TRPC1: variants seen among roughly 807,000 people sequenced by gnomAD.
TRPC1 encodes transient receptor potential cation channel subfamily C member 1.
In TRPC1, 42 loss-of-function variants were observed where a neutral mutation model predicts 88.2. The observed-to-expected ratio is 0.48, with a 90% CI of 0.37 to 0.62. The LOEUF (loss-of-function observed/expected upper bound fraction) is 0.62. TRPC1 is among the 20% of genes least tolerant of loss of function. The pLI is 0.00. For synonymous variants in TRPC1, 288 were observed against 331.8 expected (o/e 0.87, Z 1.43); for missense variants, 699 against 957.3 (o/e 0.73, Z 3.56).
chr3:142,724,542 C>T lies in TRPC1; in HGVS notation c.-18C>T, dbSNP rs763655084. The T allele has an allele frequency of 9.7e-6, 15 of 1,549,466 alleles. No individual in the cohort carries two copies. The Admixed American group carries it at 2.5e-4, about 26-fold the overall frequency. ...GGCCCCGCCCCCGTCTCCTGGCCTG[C>T]CCCCTTCATGGGCCGCGATGATGGC... On this transcript the variant is annotated 5_prime_UTR_variant, in exon 1 of 13. Transcript: ENST00000476941. The surrounding 1 kb of genome is among the most constrained non-coding windows in gnomAD (Gnocchi z 5.6).
chr3:142,729,293 A>T (rs1933803749), intron 1 of TRPC1, among the ~76,000 whole-genome samples: 1 of 152,206 alleles, frequency 6.6e-6, no homozygotes, highest in Non-Finnish European at 1.5e-5. Flanking sequence ...CAATCAAACT[A>T]TACTTATCAA....
At chr3:142,726,154 G>A (rs1933662390) in intron 1 of TRPC1, among the ~76,000 whole-genome samples, 1 of 152,162 alleles carries the variant, frequency 6.6e-6, no homozygotes, top group African/African-American at 2.4e-5. Flanking sequence ...AAGGGGAGAA[G>A]ATTGTGTTGT....
intron 1 of TRPC1, among the ~76,000 whole-genome samples, chr3:142,728,162 C>T (rs1246194690): frequency 6.6e-6 from 1 of 151,896 alleles, no homozygotes; most frequent in African/African-American, 2.4e-5. Flanking sequence ...ATCTGATGTG[C>T]GGTAAATGAG....
At chr3:142,779,339 A>G (rs527421997) in intron 5 of TRPC1, among the ~76,000 whole-genome samples, 2 of 152,320 alleles carry the variant, frequency 1.3e-5, no homozygotes, top group South Asian at 4.1e-4. Flanking sequence ...CTATATTTCC[A>G]TCTAAACTAT....
rs556839551 is a variant in TRPC1, at chr3:142,803,673, G to C, written c.1758-304G>C. Among the ~76,000 whole-genome samples, 12 of 152,284 alleles carry C rather than the reference G, an allele frequency of 7.9e-5. No individual in the cohort carries two copies. In the East Asian group the frequency reaches 2.1e-3, roughly 27 times the overall value. ...TGTTGAGATTGAGAGTCATTTGAAGGTTTTGAGCAGAGGTGTGACAAAATC... is the reference window on the plus strand; with the variant it reads ...TGTTGAGATTGAGAGTCATTTGAAGCTTTTGAGCAGAGGTGTGACAAAATC... On this transcript the variant is annotated intron_variant, in intron 10 of 12. Coordinates refer to ENST00000476941, the MANE Select transcript of TRPC1 (RefSeq NM_001251845.2).
At chr3:142,750,195 G>T (rs1456481625) in intron 4 of TRPC1, among the ~76,000 whole-genome samples, 1 of 151,650 alleles carries the variant, frequency 6.6e-6, no homozygotes, top group African/African-American at 2.4e-5. Flanking sequence ...CTAATATCCA[G>T]AATCTACAAG....
intron 4 of TRPC1, among the ~76,000 whole-genome samples, chr3:142,774,670 C>T (rs1935696329): frequency 1.3e-5 from 2 of 151,938 alleles, no homozygotes; most frequent in Admixed American, 6.6e-5. Flanking sequence ...TTTCCAGTGG[C>T]CTGAAATGGT....
chr3:142,727,846 T>A (rs1370364146), intron 1 of TRPC1, among the ~76,000 whole-genome samples: 1 of 152,154 alleles, frequency 6.6e-6, no homozygotes, highest in African/African-American at 2.4e-5. Flanking sequence ...CCTCTCTCAT[T>A]GAGAATTAGT....
intron 4 of TRPC1, among the ~76,000 whole-genome samples, chr3:142,751,281 C>T (rs765283461): frequency 6.6e-5 from 10 of 152,132 alleles, no homozygotes; most frequent in Non-Finnish European, 1.5e-4. Flanking sequence ...TGGTAAATGC[C>T]CTGTACAGGT....
chr3:142,785,804 C>G (rs1423981553), intron 7 of TRPC1, among the ~76,000 whole-genome samples: 1 of 152,006 alleles, frequency 6.6e-6, no homozygotes, highest in African/African-American at 2.4e-5. Flanking sequence ...CGGCCTAGAA[C>G]CTATGAACTT....
At chr3:142,750,976 TATAGA>T (rs1168262849) in intron 4 of TRPC1, among the ~76,000 whole-genome samples, 1 of 152,156 alleles carries the variant, frequency 6.6e-6, no homozygotes, top group Non-Finnish European at 1.5e-5. Context: ...GTAAAAAGCT[TATAGA>T]ATAAAGATAT....
chr3:142,749,209 A>G (rs1934664442), intron 4 of TRPC1, among the ~76,000 whole-genome samples: 1 of 152,218 alleles, frequency 6.6e-6, no homozygotes, highest in Admixed American at 6.5e-5. Flanking sequence ...AGTGCAACGC[A>G]TTACTCACGT....
Position 142,791,149 on chromosome 3 carries a change from T to A in TRPC1, c.1428T>A (p.Ala476=). The A allele has an allele frequency of 6.2e-7, 1 of 1,603,682 alleles. No homozygotes were observed. The highest frequency in any genetic ancestry group is 8.5e-7 in the Non-Finnish European group (1 of 1,176,460). The change falls in exon 8 of 13, where the codon GCT becomes GCA. Residue 476 remains alanine, a synonymous_variant. Transcript: ENST00000476941. ...YLATFALKVV[A]HNKFHDFADR... is the part of the protein sequence containing the mutation. ...CAACCTTTGCCCTCAAAGTGGTTGCTCACAACAAGGTGACTATTTACTATG... is the reference window on the plus strand; with the variant it reads ...CAACCTTTGCCCTCAAAGTGGTTGCACACAACAAGGTGACTATTTACTATG...
At chr3:142,794,674 C>G (rs1423983610) in intron 9 of TRPC1, among the ~76,000 whole-genome samples, 1 of 152,060 alleles carries the variant, frequency 6.6e-6, no homozygotes, top group Non-Finnish European at 1.5e-5. Context: ...AGTTGTCTCC[C>G]TTGAGTATTC....
At chr3:142,762,411 G>A (rs918894838) in intron 4 of TRPC1, among the ~76,000 whole-genome samples, 2 of 147,024 alleles carry the variant, frequency 1.4e-5, no homozygotes, top group Admixed American at 1.4e-4. Context: ...GCTAATTTTC[G>A]GTTTGGTTTA....
chr3:142,764,816 T>G (rs1935327807), intron 4 of TRPC1, among the ~76,000 whole-genome samples: 1 of 152,192 alleles, frequency 6.6e-6, no homozygotes, highest in Non-Finnish European at 1.5e-5. Context: ...TTGGAAAGTT[T>G]TCTGTTGTTA....
At chr3:142,759,608 C>G (rs1015880866) in intron 4 of TRPC1, among the ~76,000 whole-genome samples, 1 of 152,104 alleles carries the variant, frequency 6.6e-6, no homozygotes, top group Non-Finnish European at 1.5e-5. Flanking sequence ...AAAATTTTCT[C>G]CCATTCTGTA....
intron 4 of TRPC1, among the ~76,000 whole-genome samples, chr3:142,772,939 T>G (rs748429797): frequency 3.9e-5 from 6 of 152,206 alleles, no homozygotes; most frequent in Non-Finnish European, 7.3e-5. Context: ...GCCATCTTCA[T>G]GTTCACATGA....
At chr3:142,745,500 C>T (rs748153386) in intron 3 of TRPC1, among the ~76,000 whole-genome samples, 2 of 152,008 alleles carry the variant, frequency 1.3e-5, no homozygotes, top group East Asian at 1.9e-4. Flanking sequence ...AAAAATTAGC[C>T]GGGCGTGGTG....
Sources: gnomAD v4.1 joint callset for allele counts (sites outside exome capture counted in the v4.1 genomes callset) on GRCh38, gnomAD v4.1.1 for gene constraint, Gnocchi (gnomAD v3.1) non-coding constraint, MANE v1.5 for transcripts, NCBI Gene and HGNC (gene_info 2026-07-23, HGNC 2026-07-21) for gene names.